The following NAA25 variants were observed in gnomAD, a reference collection of about 807,000 sequenced individuals.
NAA25 encodes N-terminal acetyltransferase B complex subunit NAA25.
A neutral mutation model predicts 132.5 loss-of-function variants in NAA25; 30 were observed. That is an observed-to-expected ratio of 0.23 (90% confidence interval 0.17 to 0.31). NAA25 has a LOEUF of 0.31. Among genes scored for constraint, NAA25 ranks in the 10% least tolerant of loss-of-function variants. The pLI, the probability that NAA25 is intolerant of heterozygous loss-of-function variation, is 1.00. For missense variants in NAA25, 771 were observed against 1,150.4 expected (o/e 0.67, Z 4.77); for synonymous variants, 359 against 401.9 (o/e 0.89, Z 1.28).
At chr12:112,087,635 C>T (rs764642126) in intron 4 of NAA25, 48 bp downstream of exon 4, 2 of 1,282,026 alleles carry the variant, frequency 1.6e-6, no homozygotes, top group Non-Finnish European at 1.1e-6. Flanking sequence ...GAGACTTTTG[C>T]CTCTAATAGT....
chr12:112,031,736 C>A (rs2078152895), intron 23 of NAA25, among the ~76,000 whole-genome samples: 1 of 151,856 alleles, frequency 6.6e-6, no homozygotes, highest in Admixed American at 6.6e-5. Context: ...ACCATAAGCT[C>A]TGGCCCTGCC....
At chr12:112,094,048 G>A (rs1380023206) in intron 1 of NAA25, among the ~76,000 whole-genome samples, 1 of 151,766 alleles carries the variant, frequency 6.6e-6, no homozygotes, top group Admixed American at 6.6e-5. Context: ...GACCATCCTG[G>A]CTAACATGGT....
chr12:112,055,778 G>A (rs2078535147), intron 13 of NAA25, among the ~76,000 whole-genome samples: 1 of 151,644 alleles, frequency 6.6e-6, no homozygotes, highest in East Asian at 1.9e-4. Context: ...GTCCAAAAAA[G>A]TGAGATTTTA....
chr12:112,089,825 T>A (rs1294057421), intron 3 of NAA25, among the ~76,000 whole-genome samples: 1 of 151,680 alleles, frequency 6.6e-6, no homozygotes, highest in Non-Finnish European at 1.5e-5. Flanking sequence ...GAAACCCGTC[T>A]CTACTAAAAA....
intron 3 of NAA25, 164 bp downstream of exon 3, chr12:112,090,562 A>T (rs753806612): frequency 1.7e-6 from 1 of 582,566 alleles, no homozygotes; most frequent in Non-Finnish European, 2.9e-6. Context: ...TAATGCATGT[A>T]AACTATCCTT....
intron 13 of NAA25, among the ~76,000 whole-genome samples, chr12:112,056,108 C>T (rs927166398): frequency 6.6e-6 from 1 of 151,978 alleles, no homozygotes; most frequent in African/African-American, 2.4e-5. Context: ...GCCAGGGAAG[C>T]GGATCACCTC....
chr12:112,096,633 G>C (rs1246826955), intron 1 of NAA25, among the ~76,000 whole-genome samples: 1 of 152,166 alleles, frequency 6.6e-6, no homozygotes, highest in Non-Finnish European at 1.5e-5. Context: ...ATATCTAAAA[G>C]CACATAATCT....
At chr12:112,068,379 A>G (rs998887675) in intron 11 of NAA25, among the ~76,000 whole-genome samples, 1 of 152,162 alleles carries the variant, frequency 6.6e-6, no homozygotes, top group African/African-American at 2.4e-5. Context: ...ACACACACCC[A>G]TATGTGCCAC....
chr12:112,042,949 A>T, intron 19 of NAA25, 139 bp downstream of exon 19: 1 of 696,770 alleles, frequency 1.4e-6, no homozygotes, highest in Non-Finnish European at 2.3e-6. Context: ...ACCCTCTCAT[A>T]CACTACACCA....
At chr12:112,084,897 G>A (rs1331983122) in intron 4 of NAA25, among the ~76,000 whole-genome samples, 3 of 151,850 alleles carry the variant, frequency 2.0e-5, no homozygotes, top group Non-Finnish European at 1.5e-5. Context: ...AGGAGTTCGA[G>A]ACCAGCCCGG....
chr12:112,054,447 T>G lies in NAA25; in HGVS notation c.1569A>C (p.Glu523Asp). ...VRIYCMLGAF[E>D]PVVDLYSSLD... The stretch of plus-strand genomic sequence containing the variant: ...GGCTGGAGTAAAGATCCACCACTGG[T>G]TCAAATGCACCCAGCATACAGTAGA... The change falls in exon 14 of 24, where the codon GAA becomes GAC. Residue 523 changes from glutamate to aspartate, a missense_variant. Physicochemically the swap from Glu to Asp is conservative, Grantham distance 45. Around this residue, in one of 3 missense-constraint regions of NAA25, gnomAD observed 417 missense variants for 733.8 expected, o/e 0.57. Coordinates refer to ENST00000261745, the MANE Select transcript of NAA25 (RefSeq NM_024953.4). The G allele has an allele frequency of 6.2e-7, 1 of 1,614,034 alleles. No individual in the cohort carries two copies. Among genetic ancestry groups the G allele is most frequent in the Non-Finnish European group, 8.5e-7 (1 of 1,180,002 alleles).
At chr12:112,031,230 A>G (rs1017609662) in intron 23 of NAA25, among the ~76,000 whole-genome samples, 1 of 152,262 alleles carries the variant, frequency 6.6e-6, no homozygotes, top group Non-Finnish European at 1.5e-5. Flanking sequence ...TAGAGGTCAC[A>G]GTCCAGAGGC....
intron 11 of NAA25, among the ~76,000 whole-genome samples, chr12:112,062,532 C>G (rs1003049455): frequency 2.0e-5 from 3 of 152,002 alleles, no homozygotes; most frequent in Non-Finnish European, 4.4e-5. Flanking sequence ...CGAGACCTCC[C>G]TGGCCAACAC....
intron 1 of NAA25, among the ~76,000 whole-genome samples, chr12:112,104,752 C>A (rs958240320): frequency 3.3e-5 from 5 of 151,554 alleles, no homozygotes; most frequent in Admixed American, 3.3e-4. Flanking sequence ...AGGAGAATGG[C>A]GTGAACCCGG....
chr12:112,057,538 C>T (rs1251061459), intron 13 of NAA25, among the ~76,000 whole-genome samples: 1 of 152,180 alleles, frequency 6.6e-6, no homozygotes, highest in African/African-American at 2.4e-5. Flanking sequence ...ATTTCACTCT[C>T]ATCCCTGGTA....
At chr12:112,088,317 GTTTTTTTTTTTTT>G (rs1025838850) in intron 3 of NAA25, among the ~76,000 whole-genome samples, 7 of 75,582 alleles carry the variant, frequency 9.3e-5, no homozygotes, top group Non-Finnish European at 1.7e-4. Context: ...GTATATTGTA[GTTTTTTTTTTTTT>G]TTTTTTTTTT....
At chr12:112,081,834 A>G (rs1291174736) in intron 4 of NAA25, among the ~76,000 whole-genome samples, 1 of 152,208 alleles carries the variant, frequency 6.6e-6, no homozygotes, top group African/African-American at 2.4e-5. Flanking sequence ...TGGAGGTCCT[A>G]TGAAGTAGAA....
At chr12:112,052,209 A>C (rs2078478238) in intron 15 of NAA25, among the ~76,000 whole-genome samples, 1 of 152,176 alleles carries the variant, frequency 6.6e-6, no homozygotes, top group Non-Finnish European at 1.5e-5. Flanking sequence ...TTGAACACAC[A>C]ATGAAAATTC....
At chr12:112,040,051 T>C (rs2078281064) in intron 21 of NAA25, 1 of 157,580 alleles carries the variant, frequency 6.3e-6, no homozygotes. Context: ...ATCTTCCTTC[T>C]CTTCCCTCTG....
Sources: gnomAD v4.1 joint callset for allele counts (sites outside exome capture counted in the v4.1 genomes callset) on GRCh38, gnomAD v4.1.1 for gene constraint, gnomAD v4.1.1 regional missense constraint, MANE v1.5 for transcripts, NCBI Gene and HGNC (gene_info 2026-07-23, HGNC 2026-07-21) for gene names.